MOBP: variants seen among roughly 807,000 people sequenced by gnomAD.
The protein encoded by MOBP is myelin-associated oligodendrocyte basic protein.
MOBP carries 5 observed loss-of-function variants against 15.0 expected under a neutral mutation model. That is an observed-to-expected ratio of 0.33 (90% confidence interval 0.17 to 0.70). The LOEUF (loss-of-function observed/expected upper bound fraction) is 0.70, where lower values mean the gene tolerates loss of function less well. MOBP is among the 30% of genes least tolerant of loss of function. MOBP has a pLI of 0.67. For synonymous variants in MOBP, 88 were observed against 99.0 expected, an observed-to-expected ratio of 0.89 and a Z score of 0.66; for missense variants, 188 against 257.8, an observed-to-expected ratio of 0.73 and a Z score of 1.85.
At chr3:39,523,963 A>G (rs1226090903) in intron 3 of MOBP, among the ~76,000 whole-genome samples, 1 of 152,224 alleles carries the variant, frequency 6.6e-6, no homozygotes, top group Non-Finnish European at 1.5e-5. Context: ...GTTTTAATTT[A>G]TCCCTGCAGC....
chr3:39,506,771 C>A (rs1463108052), downstream of MOBP, among the ~76,000 whole-genome samples: 1 of 152,194 alleles, frequency 6.6e-6, no homozygotes, highest in East Asian at 1.9e-4. Context: ...TGGGGCTGAG[C>A]ACAAGAGTGG....
At chr3:39,494,756 A>G (rs1300417751) in intron 2 of MOBP, among the ~76,000 whole-genome samples, 2 of 140,114 alleles carry the variant, frequency 1.4e-5, no homozygotes, top group Admixed American at 7.5e-5. Context: ...TTTTTTATTT[A>G]CTTTATTTCA....
intron 4 of MOBP, among the ~76,000 whole-genome samples, chr3:39,511,922 C>T (rs932617316): frequency 5.9e-5 from 9 of 152,170 alleles, no homozygotes; most frequent in Non-Finnish European, 1.2e-4. Context: ...GCTCTGCTGC[C>T]TGTGGATTTC....
chr3:39,527,507 T>C (rs2043336734), downstream of MOBP: 1 of 149,814 alleles, frequency 6.7e-6, no homozygotes, highest in Non-Finnish European at 1.5e-5. Flanking sequence ...TGGCACGCAA[T>C]CTCAGCTCAT....
At chr3:39,495,464 C>T (rs1320925106) in intron 2 of MOBP, among the ~76,000 whole-genome samples, 1 of 150,710 alleles carries the variant, frequency 6.6e-6, no homozygotes, top group African/African-American at 2.4e-5. Context: ...AAAAATAACA[C>T]AAATATAAAG....
rs1324872374 is a variant in MOBP, at chr3:39,468,766, G to GTA, written c.-89+1027_-89+1028insAT. 3.7e-4 allele frequency among the ~76,000 whole-genome samples: 35 copies of GTA among 93,350 alleles called. 1 individual carries two copies. The highest frequency in any genetic ancestry group is 5.6e-4 in the Non-Finnish European group (27 of 47,954). 61.2% of individuals were successfully genotyped at this position (93,350 alleles called of 152,430 possible). The stretch of plus-strand genomic sequence containing the variant: ...TGTATATATACATATATACATGTGT[G>GTA]TGTATATATACATATATACATGTGT... On this transcript the variant is annotated intron_variant, in intron 1 of 3. Transcript: ENST00000684792.
chr3:39,507,341 C>T (rs2043061451), downstream of MOBP, among the ~76,000 whole-genome samples: 1 of 152,132 alleles, frequency 6.6e-6, no homozygotes, highest in Non-Finnish European at 1.5e-5. Flanking sequence ...TCCAATTTTC[C>T]CCTGCATATA....
At chr3:39,477,967 A>C (rs1366008611) in intron 1 of MOBP, among the ~76,000 whole-genome samples, 2 of 152,132 alleles carry the variant, frequency 1.3e-5, no homozygotes, top group African/African-American at 2.4e-5. Flanking sequence ...AAGAGTCAAA[A>C]ACTTAAGAAA....
At chr3:39,517,017 C>G (rs539542600), downstream of MOBP, among the ~76,000 whole-genome samples, 5 of 152,266 alleles carry the variant, frequency 3.3e-5, no homozygotes, top group East Asian at 9.7e-4. Flanking sequence ...CTGACTCCAT[C>G]ACACATGTCT....
chr3:39,501,573 T>C (rs1213241996), intron 2 of MOBP, among the ~76,000 whole-genome samples: 1 of 152,246 alleles, frequency 6.6e-6, no homozygotes, highest in East Asian at 1.9e-4. Context: ...TTTTGTTCAA[T>C]GGTATGTCTG....
chr3:39,525,179 A>T (rs949164232), downstream of MOBP: 3 of 152,238 alleles, frequency 2.0e-5, no homozygotes, highest in Non-Finnish European at 4.4e-5. Context: ...GCTATATATA[A>T]ACGGTTAACA....
intron 2 of MOBP, among the ~76,000 whole-genome samples, chr3:39,482,116 G>C (rs756050090): frequency 9.2e-5 from 14 of 151,698 alleles, no homozygotes; most frequent in Non-Finnish European, 1.8e-4. Context: ...TCTGTTTTTC[G>C]CCCAAACCTT....
At chr3:39,518,371 C>T (rs1222824881), downstream of MOBP, among the ~76,000 whole-genome samples, 1 of 152,152 alleles carries the variant, frequency 6.6e-6, no homozygotes, top group Non-Finnish European at 1.5e-5. Context: ...GGTTTAAAAT[C>T]ACCAGGAAGT....
intron 2 of MOBP, among the ~76,000 whole-genome samples, chr3:39,498,256 A>G (rs2042914285): frequency 6.6e-6 from 1 of 152,240 alleles, no homozygotes; most frequent in South Asian, 2.1e-4. Context: ...AGCAGTATAT[A>G]GAACTGCTTA....
chr3:39,494,813 T>G (rs1218445934), intron 2 of MOBP, among the ~76,000 whole-genome samples: 4 of 130,714 alleles, frequency 3.1e-5, no homozygotes, highest in Non-Finnish European at 6.4e-5. Context: ...TACGTGTTGT[T>G]ATTATTACAG....
chr3:39,494,782 G>GCCCCCCCCCCCCCCC (rs142834446), intron 2 of MOBP, among the ~76,000 whole-genome samples: 7 of 85,980 alleles, frequency 8.1e-5, no homozygotes, highest in Admixed American at 1.4e-4. Context: ...TATTTTCAAA[G>GCCCCCCCCCCCCCCC]CCCCCCCCCG....
chr3:39,516,228 G>A (rs921696466), downstream of MOBP, among the ~76,000 whole-genome samples: 1 of 152,130 alleles, frequency 6.6e-6, no homozygotes, highest in Non-Finnish European at 1.5e-5. Flanking sequence ...GTAGGGCAAG[G>A]GCTGGAGTGT....
At chr3:39,494,547 C>T (rs1039385220) in intron 2 of MOBP, among the ~76,000 whole-genome samples, 3 of 151,766 alleles carry the variant, frequency 2.0e-5, no homozygotes, top group African/African-American at 4.8e-5. Flanking sequence ...GTGAAAACGT[C>T]ATGCAGTGTT....
chr3:39,516,165 A>G (rs1295538902), downstream of MOBP, among the ~76,000 whole-genome samples: 1 of 152,214 alleles, frequency 6.6e-6, no homozygotes, highest in Non-Finnish European at 1.5e-5. Context: ...AGAAATTTGC[A>G]ATTGTAGATG....
Sources: gnomAD v4.1 joint callset for allele counts (sites outside exome capture counted in the v4.1 genomes callset) on GRCh38, gnomAD v4.1.1 for gene constraint, MANE v1.5 for transcripts, NCBI Gene and HGNC (gene_info 2026-07-23, HGNC 2026-07-21) for gene names.